The following TNR variants were observed in gnomAD, a reference collection of about 807,000 sequenced individuals.
The protein encoded by TNR is tenascin-R.
A neutral mutation model predicts 150.4 loss-of-function variants in TNR; 45 were observed. The ratio of observed to expected loss-of-function variants is 0.30; its 90% CI spans 0.24 to 0.38. The LOEUF (loss-of-function observed/expected upper bound fraction) is 0.38, where lower values mean the gene tolerates loss of function less well. Ranked by LOEUF, TNR falls within the 10% of genes least tolerant of loss-of-function variation. The pLI is 1.00. For synonymous variants in TNR, 687 were observed against 678.4 expected, an observed-to-expected ratio of 1.01 and a Z score of -0.20; for missense variants, 1,544 against 1,759.1, an observed-to-expected ratio of 0.88 and a Z score of 2.19.
At chr1:175,538,348 A>AG (rs1239999503) in intron 1 of TNR, among the ~76,000 whole-genome samples, 1 of 152,130 alleles carries the variant, frequency 6.6e-6, no homozygotes, top group African/African-American at 2.4e-5. Flanking sequence ...AAGTTTCCTG[A>AG]GAAAAAAAAG....
intron 9 of TNR, among the ~76,000 whole-genome samples, chr1:175,377,738 T>C (rs1048486306): frequency 6.6e-6 from 1 of 152,198 alleles, no homozygotes; most frequent in East Asian, 1.9e-4. Context: ...TTGTTTACCG[T>C]ATGCACTCTT....
intron 2 of TNR, among the ~76,000 whole-genome samples, chr1:175,454,255 T>TTACA (rs1382177618): frequency 1.3e-5 from 2 of 152,168 alleles, no homozygotes; most frequent in East Asian, 1.9e-4. Flanking sequence ...TTCATCCAGA[T>TTACA]TACAGGCAGA....
At chr1:175,689,872 G>A (rs1006036716) in intron 1 of TNR, among the ~76,000 whole-genome samples, 33 of 152,214 alleles carry the variant, frequency 2.2e-4, no homozygotes, top group African/African-American at 7.2e-4. Context: ...CTGAGGCCTC[G>A]GTTTCCGTTA....
At chr1:175,720,409 T>C (rs1667266377) in intron 1 of TNR, among the ~76,000 whole-genome samples, 1 of 152,212 alleles carries the variant, frequency 6.6e-6, no homozygotes, top group Non-Finnish European at 1.5e-5. Context: ...ATTCCTGTTG[T>C]TTAAACCTCC....
At chr1:175,549,808 G>A (rs966628928) in intron 1 of TNR, among the ~76,000 whole-genome samples, 1 of 152,170 alleles carries the variant, frequency 6.6e-6, no homozygotes, top group Non-Finnish European at 1.5e-5. Context: ...TCAACCTGGA[G>A]TAGCTTGGAA....
At chr1:175,553,703 G>A (rs1661032885) in intron 1 of TNR, among the ~76,000 whole-genome samples, 1 of 151,984 alleles carries the variant, frequency 6.6e-6, no homozygotes, top group Admixed American at 6.6e-5. Context: ...CTCTAAGAAT[G>A]AATTTGTTAG....
chr1:175,734,699 T>C (rs1667725692), intron 1 of TNR, among the ~76,000 whole-genome samples: 1 of 152,266 alleles, frequency 6.6e-6, no homozygotes, highest in Non-Finnish European at 1.5e-5. Flanking sequence ...GTTTTGGCAG[T>C]GCTTTTCCCT....
chr1:175,438,633 T>A (rs1372966038), intron 2 of TNR, among the ~76,000 whole-genome samples: 1 of 152,164 alleles, frequency 6.6e-6, no homozygotes, highest in Admixed American at 6.6e-5. Flanking sequence ...GAAACCACAT[T>A]GTCTCAGCCC....
intron 1 of TNR, among the ~76,000 whole-genome samples, chr1:175,716,927 T>C (rs1004610089): frequency 3.9e-5 from 6 of 152,164 alleles, no homozygotes; most frequent in Admixed American, 6.5e-5. Flanking sequence ...TAGATGAAAA[T>C]GCTCCCTATC....
intron 1 of TNR, among the ~76,000 whole-genome samples, chr1:175,633,367 C>T (rs1464991680): frequency 1.3e-5 from 2 of 151,428 alleles, no homozygotes; most frequent in South Asian, 2.1e-4. Context: ...CTTTGAGAGC[C>T]TATGTGTCAA....
chr1:175,543,614 A>T (rs1370014240), intron 1 of TNR, among the ~76,000 whole-genome samples: 1 of 152,208 alleles, frequency 6.6e-6, no homozygotes, highest in African/African-American at 2.4e-5. Context: ...ATGTGTATGT[A>T]CTGTGTTAGC....
rs373069456 is a variant in TNR, at chr1:175,348,806, C to T, written c.3382+5585G>A. Among the ~76,000 whole-genome samples, 9 of 152,108 alleles carry T rather than the reference C, an allele frequency of 5.9e-5. 1 individual carries two copies. In the South Asian group the frequency reaches 1.0e-3, roughly 18 times the overall value. ...AGAAATAAATCTAGAAAGTTAATAG[C>T]GGAACATATTGAAGAAAACCTTTTG... On this transcript the variant is annotated intron_variant, in intron 18 of 22. Coordinates refer to ENST00000367674, the MANE Select transcript of TNR (RefSeq NM_003285.3).
chr1:175,500,516 G>A (rs1658688358), intron 2 of TNR, among the ~76,000 whole-genome samples: 1 of 152,210 alleles, frequency 6.6e-6, no homozygotes, highest in Non-Finnish European at 1.5e-5. Flanking sequence ...TGCGGGCAGG[G>A]AAAACCAAGG....
At chr1:175,656,653 T>G (rs1665188502) in intron 1 of TNR, 2 of 152,392 alleles carry the variant, frequency 1.3e-5, no homozygotes, top group Non-Finnish European at 2.9e-5. Context: ...CTGGTGCCTG[T>G]AGTATGACAG....
At chr1:175,640,756 G>T (rs1365956842) in intron 1 of TNR, among the ~76,000 whole-genome samples, 1 of 148,558 alleles carries the variant, frequency 6.7e-6, no homozygotes, top group Non-Finnish European at 1.5e-5. Context: ...TCAATAACCT[G>T]TTACAACTAA....
rs1054844836 is a variant in TNR at position 175,403,436 on chromosome 1, C to CCGCTGTACTCGCT, written c.667_679dup (p.Gly227GlufsTer7). On this transcript the variant is annotated frameshift_variant, in exon 4 of 23. Transcript: ENST00000367674. LOFTEE classifies it high-confidence loss of function. ...GCACCGGAGTTCGGAACAGTCATCCCCGCTGTACTCGCTGTCACAGATGCA... is the reference window on the plus strand; with the variant it reads ...GCACCGGAGTTCGGAACAGTCATCCCCGCTGTACTCGCTCGCTGTACTCGCTGTCACAGATGCA... 6.2e-7 allele frequency: 1 copy of CCGCTGTACTCGCT among 1,614,110 alleles called. No homozygotes were observed. The highest frequency in any genetic ancestry group is 8.5e-7 in the Non-Finnish European group (1 of 1,180,048).
rs1323136356 is a variant in TNR, at chr1:175,498,844, G to A, written c.-64+29425C>T. On this transcript the variant is annotated intron_variant, in intron 2 of 22. Coordinates refer to ENST00000367674, the MANE Select transcript of TNR (RefSeq NM_003285.3). ...CAATTACCATGCAGCACATATAACC[G>A]TTAGTATCATCATCTATTAATAATA... 4.6e-5 allele frequency among the ~76,000 whole-genome samples: 7 copies of A among 152,166 alleles called. 1 individual carries two copies. The highest frequency in any genetic ancestry group is 4.1e-4 in the South Asian group (2 of 4,832).
chr1:175,410,021 T>G (rs1458930801), intron 2 of TNR, among the ~76,000 whole-genome samples: 1 of 152,076 alleles, frequency 6.6e-6, no homozygotes, highest in Admixed American at 6.6e-5. Context: ...GGAGCAGGGG[T>G]GTTAACAGGG....
At chr1:175,452,526 A>G (rs984381166) in intron 2 of TNR, among the ~76,000 whole-genome samples, 7 of 152,300 alleles carry the variant, frequency 4.6e-5, no homozygotes, top group Admixed American at 1.3e-4. Flanking sequence ...CCTGGGGAAG[A>G]TTTGGTGCAA....
Sources: gnomAD v4.1 joint callset for allele counts (sites outside exome capture counted in the v4.1 genomes callset) on GRCh38, gnomAD v4.1.1 for gene constraint, MANE v1.5 for transcripts, NCBI Gene and HGNC (gene_info 2026-07-23, HGNC 2026-07-21) for gene names.